HEATR5B: variants seen among roughly 807,000 people sequenced by gnomAD.
HEATR5B encodes the protein HEAT repeat-containing protein 5B.
A neutral mutation model predicts 224.1 loss-of-function variants in HEATR5B; 156 were observed. The observed-to-expected ratio is 0.70, with a 90% confidence interval of 0.61 to 0.80. The LOEUF (loss-of-function observed/expected upper bound fraction) is 0.80. HEATR5B is among the 30% of genes least tolerant of loss of function. HEATR5B has a pLI of 0.00. For synonymous variants in HEATR5B, 1,027 were observed against 893.0 expected (o/e 1.15, Z -2.68); for missense variants, 2,323 against 2,535.5 (o/e 0.92, Z 1.80).
At chr2:37,035,864 A>T (rs986219614) in intron 21 of HEATR5B, among the ~76,000 whole-genome samples, 5 of 152,078 alleles carry the variant, frequency 3.3e-5, no homozygotes, top group African/African-American at 9.7e-5. Context: ...ATGTGTCTAA[A>T]ACTGAATTAA....
At chr2:37,046,375 A>G (rs1345646545) in intron 18 of HEATR5B, among the ~76,000 whole-genome samples, 1 of 152,214 alleles carries the variant, frequency 6.6e-6, no homozygotes, top group South Asian at 2.1e-4. Flanking sequence ...GCACTGGCTC[A>G]TGTCTGTAAT....
chr2:37,022,771 CAAAGTTTAA>C (rs1159176780), intron 24 of HEATR5B, among the ~76,000 whole-genome samples: 1 of 152,126 alleles, frequency 6.6e-6, no homozygotes, highest in Non-Finnish European at 1.5e-5. Context: ...TCTGTATGAA[CAAAGTTTAA>C]AAGCAAGTCT....
intron 12 of HEATR5B, among the ~76,000 whole-genome samples, chr2:37,059,891 C>G (rs1671172022): frequency 1.3e-5 from 2 of 151,974 alleles, no homozygotes. Flanking sequence ...ACTAAAACAC[C>G]TCCTAGATGT....
At chr2:37,075,664 T>C (rs747326802) in intron 4 of HEATR5B, 30 bp from the exon 5 acceptor site, 1 of 1,555,156 alleles carries the variant, frequency 6.4e-7, no homozygotes, top group South Asian at 1.2e-5. Context: ...AAAACTATTT[T>C]GTAAAATAAA....
At chr2:36,992,749 CT>C (rs576038587) in intron 33 of HEATR5B, among the ~76,000 whole-genome samples, 1 of 149,920 alleles carries the variant, frequency 6.7e-6, no homozygotes, top group South Asian at 2.1e-4. Context: ...ATTTTTTTTT[CT>C]TTTTTCCCCC....
chr2:37,082,824 T>G (rs1672686918), intron 2 of HEATR5B, among the ~76,000 whole-genome samples: 1 of 152,182 alleles, frequency 6.6e-6, no homozygotes, highest in South Asian at 2.1e-4. Flanking sequence ...ACCTCTATAT[T>G]TCTGTGTGTG....
Position 37,028,863 on chromosome 2 carries a change from T to G in HEATR5B, c.3419A>C (p.Gln1140Pro). The G allele has an allele frequency of 1.2e-6, 2 of 1,613,886 alleles. No homozygotes were observed. The highest frequency in any genetic ancestry group is 1.7e-6 in the Non-Finnish European group (2 of 1,179,798). ...SSRTDIHCRH[Q>P]GVNITETGLE... ...ACCAGTTTCTGTTATATTAACACCT[T>G]GGTGCCGGCAATGGATATCAGTTCG... The change falls in exon 23 of 36, where the codon CAA (glutamine) becomes CCA (proline). Residue 1140 changes from glutamine (Q) to proline (P), a missense_variant. By Grantham distance (76) the Gln-to-Pro change is moderately conservative. Transcript: ENST00000233099.
chr2:37,069,780 AATTC>A (rs2148584356), intron 7 of HEATR5B, among the ~76,000 whole-genome samples: 1 of 152,324 alleles, frequency 6.6e-6, no homozygotes, highest in Non-Finnish European at 1.5e-5. Flanking sequence ...ATTTGAATGT[AATTC>A]ATTCATTCGG....
chr2:37,050,620 A>G (rs1670477772), intron 17 of HEATR5B, among the ~76,000 whole-genome samples: 1 of 152,226 alleles, frequency 6.6e-6, no homozygotes, highest in Non-Finnish European at 1.5e-5. Context: ...ATCAATGGCA[A>G]ATATTTGGAA....
intron 35 of HEATR5B, among the ~76,000 whole-genome samples, chr2:36,986,827 G>C (rs1372193005): frequency 6.6e-6 from 1 of 152,082 alleles, no homozygotes; most frequent in Non-Finnish European, 1.5e-5. Context: ...ATATCGGTCA[G>C]GTTGGTCTCG....
In HEATR5B at chr2:36,990,931, C is replaced by T. The variant is rs536434258; in HGVS notation, c.5546-132G>A. Reference sequence around the variant, plus strand: ...TCTTGAACTCCTGAGCTCAAGTGATCCTCCTGCCTTGGCCTCCCAAAGTGC... The same window carrying T: ...TCTTGAACTCCTGAGCTCAAGTGATTCTCCTGCCTTGGCCTCCCAAAGTGC... On this transcript the variant is annotated intron_variant, in intron 33 of 35. Coordinates refer to ENST00000233099, the MANE Select transcript of HEATR5B (RefSeq NM_019024.3). The T allele has an allele frequency of 1.8e-5, 12 of 676,282 alleles. No homozygotes were observed. The East Asian group carries it at 2.1e-4, about 12-fold the overall frequency. 41.9% of individuals were successfully genotyped at this position (676,282 alleles called of 1,614,324 possible). A position where few individuals can be genotyped will look rare whatever the true frequency, so the allele number is the denominator to read the frequency against.
At chr2:37,040,262 G>A in intron 20 of HEATR5B, 67 bp downstream of exon 20, 1 of 1,234,738 alleles carries the variant, frequency 8.1e-7, no homozygotes, top group Non-Finnish European at 1.2e-6. Flanking sequence ...ATGTGATGGT[G>A]ATATTCAGGA....
chr2:37,046,664 A>G (rs1670216541), intron 18 of HEATR5B, among the ~76,000 whole-genome samples: 1 of 150,636 alleles, frequency 6.6e-6, no homozygotes, highest in South Asian at 2.1e-4. Context: ...AAAAATATTG[A>G]GAGACGAATA....
chr2:36,988,957 T>A (rs1419809098), intron 34 of HEATR5B, 98 bp from the exon 35 acceptor site: 1 of 843,602 alleles, frequency 1.2e-6, no homozygotes, highest in Non-Finnish European at 1.9e-6. Context: ...TAAGTGATAC[T>A]GCAGGACAAA....
At chr2:37,047,734 G>A (rs556268356) in intron 18 of HEATR5B, among the ~76,000 whole-genome samples, 4 of 152,148 alleles carry the variant, frequency 2.6e-5, no homozygotes, top group South Asian at 4.1e-4. Context: ...TATACAAGAC[G>A]GACCTGTAGC....
chr2:36,997,492 T>A (rs1318021226), intron 33 of HEATR5B, among the ~76,000 whole-genome samples: 3 of 151,984 alleles, frequency 2.0e-5, no homozygotes, highest in Non-Finnish European at 4.4e-5. Flanking sequence ...CCCCATCTAA[T>A]TTCTATATAG....
chr2:37,046,534 G>A (rs1445945307), intron 18 of HEATR5B, among the ~76,000 whole-genome samples: 1 of 151,566 alleles, frequency 6.6e-6, no homozygotes, highest in African/African-American at 2.4e-5. Context: ...AGCTACTTGG[G>A]AGGCTGAGGC....
Position 37,008,657 on chromosome 2 carries a change from T to C in HEATR5B, c.4476A>G (p.Ala1492=). 1.2e-6 allele frequency: 2 copies of C among 1,613,944 alleles called. No homozygotes were observed. Among genetic ancestry groups the C allele is most frequent in the Non-Finnish European group, 1.7e-6 (2 of 1,179,992 alleles). The change falls in exon 28 of 36, where the codon GCA becomes GCG. Residue 1492 remains alanine (A), a synonymous_variant. Transcript: ENST00000233099. ...RLWLAALKDY[A]LLTLPAEFSS... is the part of the protein sequence containing the mutation. ...AAAATTCGGCTGGTAAAGTCAAGAG[T>C]GCATAATCTTTTAATGCTGCTAACC...
chr2:37,001,565 G>A (rs552632691), intron 32 of HEATR5B, among the ~76,000 whole-genome samples: 3 of 151,770 alleles, frequency 2.0e-5, no homozygotes, highest in Non-Finnish European at 2.9e-5. Flanking sequence ...CTCACTGGAA[G>A]AGGAATTGTC....
Sources: gnomAD v4.1 joint callset for allele counts (sites outside exome capture counted in the v4.1 genomes callset) on GRCh38, gnomAD v4.1.1 for gene constraint, MANE v1.5 for transcripts, NCBI Gene and HGNC (gene_info 2026-07-23, HGNC 2026-07-21) for gene names.